The following CTNND2 variants were observed in gnomAD, a reference collection of about 807,000 sequenced individuals.
The protein encoded by CTNND2 is catenin delta-2.
CTNND2 carries 22 observed loss-of-function variants against 144.4 expected under a neutral mutation model. That is an observed-to-expected ratio of 0.15 (90% confidence interval 0.11 to 0.22). CTNND2 has a LOEUF of 0.22. Ranked by LOEUF, CTNND2 falls within the 10% of genes least tolerant of loss-of-function variation. The probability of loss-of-function intolerance (pLI) is 1.00; values close to 1 mark genes in which losing one functional copy is unlikely to be tolerated. For missense variants in CTNND2, 1,353 were observed against 1,618.8 expected (o/e 0.84, Z 2.82); for synonymous variants, 751 against 695.6 (o/e 1.08, Z -1.25).
At chr5:11,657,521 T>A (rs1362590770) in intron 2 of CTNND2, among the ~76,000 whole-genome samples, 1 of 152,058 alleles carries the variant, frequency 6.6e-6, no homozygotes, top group Non-Finnish European at 1.5e-5. Flanking sequence ...TCTTAGTACA[T>A]AAAATAACCG....
chr5:11,726,689 A>C (rs1787041497), intron 2 of CTNND2, among the ~76,000 whole-genome samples: 1 of 152,190 alleles, frequency 6.6e-6, no homozygotes, highest in Admixed American at 6.5e-5. Flanking sequence ...GTCATGTTAC[A>C]AAACCCCACA....
intron 16 of CTNND2, among the ~76,000 whole-genome samples, chr5:11,058,818 T>C (rs778691008): frequency 6.6e-6 from 1 of 152,206 alleles, no homozygotes; most frequent in Non-Finnish European, 1.5e-5. Flanking sequence ...TATGGAAACC[T>C]ACCTCTCACA....
chr5:11,690,770 A>G (rs1185922734), intron 2 of CTNND2, among the ~76,000 whole-genome samples: 5 of 148,002 alleles, frequency 3.4e-5, no homozygotes, highest in African/African-American at 7.7e-5. Context: ...AAAAAAAAAA[A>G]AAAAGAAATC....
chr5:11,174,161 C>G (rs983407631), intron 11 of CTNND2, among the ~76,000 whole-genome samples: 4 of 152,080 alleles, frequency 2.6e-5, no homozygotes, highest in Non-Finnish European at 5.9e-5. Flanking sequence ...AAGTTGTGGG[C>G]TCCAGTTTGG....
At chr5:10,986,037 A>C (rs1337686624) in intron 20 of CTNND2, among the ~76,000 whole-genome samples, 1 of 152,208 alleles carries the variant, frequency 6.6e-6, no homozygotes, top group East Asian at 1.9e-4. Flanking sequence ...TATACACATA[A>C]TATTCAATAA....
intron 2 of CTNND2, among the ~76,000 whole-genome samples, chr5:11,634,242 T>A (rs373659955): frequency 1.3e-5 from 2 of 152,178 alleles, no homozygotes; most frequent in Admixed American, 6.5e-5. Context: ...CATATTCTTT[T>A]TCAGCACCCA....
chr5:11,116,285 T>C (rs1753536078), intron 13 of CTNND2, among the ~76,000 whole-genome samples: 1 of 152,176 alleles, frequency 6.6e-6, no homozygotes, highest in Non-Finnish European at 1.5e-5. Flanking sequence ...GGAGACACTG[T>C]TGTTTGTTAC....
At chr5:11,492,023 G>A (rs1769435362) in intron 3 of CTNND2, among the ~76,000 whole-genome samples, 1 of 152,196 alleles carries the variant, frequency 6.6e-6, no homozygotes, top group East Asian at 1.9e-4. Context: ...TGCAATGTGA[G>A]GAATCATAAA....
chr5:11,833,207 C>A (rs1046592833), intron 1 of CTNND2, among the ~76,000 whole-genome samples: 12 of 152,108 alleles, frequency 7.9e-5, no homozygotes, highest in African/African-American at 2.4e-4. Flanking sequence ...TTCATAATAA[C>A]TAATGACTGA....
intron 10 of CTNND2, among the ~76,000 whole-genome samples, chr5:11,201,465 C>T (rs1212205102): frequency 6.6e-6 from 1 of 152,236 alleles, no homozygotes; most frequent in Non-Finnish European, 1.5e-5. Context: ...TGCAGCTCTT[C>T]CAATCCGGCT....
At chr5:11,109,787 T>C (rs1011554047) in intron 14 of CTNND2, among the ~76,000 whole-genome samples, 14 of 152,208 alleles carry the variant, frequency 9.2e-5, no homozygotes, top group African/African-American at 3.4e-4. Context: ...GATTTATAAA[T>C]ACAGAAGTAC....
intron 1 of CTNND2, among the ~76,000 whole-genome samples, chr5:11,808,879 T>C (rs10056819): frequency 0.085 from 12,970 of 152,220 alleles, 1,620 homozygotes; most frequent in African/African-American, 0.27. Flanking sequence ...AATGAAAATA[T>C]TGACAACTGC....
rs201980771 is a variant in CTNND2, at chr5:11,110,810, C to G, written c.2463+48G>C. The G allele has an allele frequency of 9.8e-5, 152 of 1,557,824 alleles. No individual in the cohort carries two copies. In the East Asian group the frequency reaches 3.3e-3, roughly 34 times the overall value. Reference sequence around the variant, plus strand: ...ATATATTGAGGATATATTACAGTTGCAATTAGGAAGGGGATAATTGCATGC... The same window carrying G: ...ATATATTGAGGATATATTACAGTTGGAATTAGGAAGGGGATAATTGCATGC... On this transcript the variant is annotated intron_variant, in intron 14 of 21. Transcript: ENST00000304623.
intron 9 of CTNND2, among the ~76,000 whole-genome samples, chr5:11,252,710 C>G (rs189832966): frequency 6.6e-6 from 1 of 152,328 alleles, no homozygotes; most frequent in African/African-American, 2.4e-5. Flanking sequence ...GAATTAACCA[C>G]AGGCTCTCTT....
At chr5:11,540,620 C>T (rs1025753785) in intron 3 of CTNND2, among the ~76,000 whole-genome samples, 28 of 152,092 alleles carry the variant, frequency 1.8e-4, no homozygotes, top group Non-Finnish European at 8.8e-5. Flanking sequence ...GGGTTCAAGC[C>T]GGGCTCAGCC....
intron 16 of CTNND2, among the ~76,000 whole-genome samples, chr5:11,081,232 A>AT (rs35263497): frequency 0.62 from 93,544 of 151,946 alleles, 29,228 homozygotes; most frequent in East Asian, 0.9. Flanking sequence ...AGAAGAACAG[A>AT]TTTTTTGAGA....
At chr5:11,830,690 G>A (rs1793852725) in intron 1 of CTNND2, among the ~76,000 whole-genome samples, 1 of 152,146 alleles carries the variant, frequency 6.6e-6, no homozygotes, top group Admixed American at 6.5e-5. Context: ...ATCTCCCAGA[G>A]GAAGGCATTG....
intron 3 of CTNND2, among the ~76,000 whole-genome samples, chr5:11,442,802 T>C (rs1764377543): frequency 6.9e-6 from 1 of 145,754 alleles, no homozygotes; most frequent in African/African-American, 2.5e-5. Flanking sequence ...TATATATGTA[T>C]ATAATTTTAT....
At chr5:11,468,177 A>C (rs1766846432) in intron 3 of CTNND2, among the ~76,000 whole-genome samples, 1 of 152,204 alleles carries the variant, frequency 6.6e-6, no homozygotes, top group South Asian at 2.1e-4. Flanking sequence ...CCAGGGAGAC[A>C]ATCCTAAGAT....
Sources: gnomAD v4.1 joint callset for allele counts (sites outside exome capture counted in the v4.1 genomes callset) on GRCh38, gnomAD v4.1.1 for gene constraint, MANE v1.5 for transcripts, NCBI Gene and HGNC (gene_info 2026-07-23, HGNC 2026-07-21) for gene names.